The following VPS26A variants were observed in gnomAD, a reference collection of about 807,000 sequenced individuals.
VPS26A encodes the protein VPS26 retromer complex component A, also known as vacuolar protein sorting-associated protein 26A.
A neutral mutation model predicts 42.4 loss-of-function variants in VPS26A; 22 were observed. The observed-to-expected ratio is 0.52, with a 90% confidence interval of 0.37 to 0.74. The LOEUF is 0.74. Among genes scored for constraint, VPS26A ranks in the 30% least tolerant of loss-of-function variants. VPS26A has a pLI of 0.00. For missense variants in VPS26A, 276 were observed against 379.2 expected, an observed-to-expected ratio of 0.73 and a Z score of 2.26; for synonymous variants, 110 against 123.5, an observed-to-expected ratio of 0.89 and a Z score of 0.73.
intron 2 of VPS26A, among the ~76,000 whole-genome samples, chr10:69,142,608 G>C (rs1377315879): frequency 6.6e-6 from 1 of 152,036 alleles, no homozygotes; most frequent in African/African-American, 2.4e-5. Flanking sequence ...CAACGAGCTT[G>C]AGGCTTTTAA....
intron 5 of VPS26A, among the ~76,000 whole-genome samples, chr10:69,158,685 T>C (rs1053899324): frequency 1.3e-5 from 2 of 152,108 alleles, no homozygotes; most frequent in African/African-American, 4.8e-5. Flanking sequence ...AATTTTATTA[T>C]GGGAAATTTC....
intron 1 of VPS26A, among the ~76,000 whole-genome samples, chr10:69,126,173 A>G (rs1259436126): frequency 6.6e-6 from 1 of 152,164 alleles, no homozygotes; most frequent in Non-Finnish European, 1.5e-5. Context: ...TGCACTTAAA[A>G]GATCTCACGG....
In VPS26A at chr10:69,168,525, A is replaced by G; in HGVS notation, c.764A>G (p.Tyr255Cys). ...CCAATAAGGCTATTTTTAGCAGGAT[A>G]TGACCCAACTCCAACAATGAGAGAT... Reference protein sequence around the residue: ...SIPIRLFLAGYDPTPTMRDVN... With the variant: ...SIPIRLFLAGCDPTPTMRDVN... Residue 255 changes from tyrosine (Y) to cysteine (C), a missense_variant, in exon 8 of 9, where the codon TAT becomes TGT. Physicochemically the swap from Tyr to Cys is radical, Grantham distance 194 (BLOSUM62 -2). Transcript: ENST00000263559. 6.2e-7 allele frequency: 1 copy of G among 1,614,026 alleles called. No individual in the cohort carries two copies. Among genetic ancestry groups the G allele is most frequent in the East Asian group, 2.2e-5 (1 of 44,882 alleles).
chr10:69,166,317 T>C (rs907713702), intron 7 of VPS26A, among the ~76,000 whole-genome samples: 14 of 152,246 alleles, frequency 9.2e-5, no homozygotes, highest in African/African-American at 3.1e-4. Flanking sequence ...TCAGTTTCAA[T>C]TTAGGATTTA....
intron 1 of VPS26A, among the ~76,000 whole-genome samples, chr10:69,125,204 G>T (rs757032113): frequency 6.6e-6 from 1 of 152,188 alleles, no homozygotes; most frequent in South Asian, 2.1e-4. Context: ...TGGCTTAAAA[G>T]GCCGAGCCAG....
chr10:69,160,701 C>T (rs1841541450), intron 5 of VPS26A, among the ~76,000 whole-genome samples: 1 of 152,206 alleles, frequency 6.6e-6, no homozygotes, highest in African/African-American at 2.4e-5. Context: ...ATCTGCCCGC[C>T]TTGGTCTCCC....
At chr10:69,134,612 C>T (rs1840862856) in intron 2 of VPS26A, among the ~76,000 whole-genome samples, 1 of 151,542 alleles carries the variant, frequency 6.6e-6, no homozygotes, top group Admixed American at 6.6e-5. Flanking sequence ...TTTTAATTTG[C>T]ATTTCTTTGG....
chr10:69,133,640 A>G (rs1282186896), intron 2 of VPS26A: 1 of 1,272,582 alleles, frequency 7.9e-7, no homozygotes, highest in African/African-American at 1.5e-5. Flanking sequence ...TTTATCCGGT[A>G]ATGTATACGG....
rs1841877052 is a variant in VPS26A, at chr10:69,174,015, C to T, written c.*2746C>T. ...ACCAACCAGTGTTCTGTAGAATGGACCAATCAGCAGGACGTGGGCGGGGAC... is the reference window on the plus strand; with the variant it reads ...ACCAACCAGTGTTCTGTAGAATGGATCAATCAGCAGGACGTGGGCGGGGAC... On this transcript the variant is annotated 3_prime_UTR_variant, in exon 9 of 9. Transcript: ENST00000263559. Among the ~76,000 whole-genome samples, 1 of 152,168 alleles carries T rather than the reference C, an allele frequency of 6.6e-6. No individual in the cohort carries two copies. The highest frequency in any genetic ancestry group is 1.5e-5 in the Non-Finnish European group (1 of 68,036).
chr10:69,132,717 AC>A (rs1379524862), intron 1 of VPS26A, among the ~76,000 whole-genome samples, 180 bp from the exon 2 acceptor site: 1 of 152,168 alleles, frequency 6.6e-6, no homozygotes, highest in Non-Finnish European at 1.5e-5. Flanking sequence ...TGCTGGGTTT[AC>A]AGGCGTGAGA....
Position 69,174,234 on chromosome 10 carries a change from G to A in VPS26A, c.*2965G>A, listed in dbSNP as rs909287959. Among the ~76,000 whole-genome samples, 7 of 152,108 alleles carry A rather than the reference G, an allele frequency of 4.6e-5. No homozygotes were observed. Among genetic ancestry groups the A allele is most frequent in the East Asian group, 1.9e-4 (1 of 5,198 alleles). On this transcript the variant is annotated 3_prime_UTR_variant, in exon 9 of 9. Coordinates refer to ENST00000263559, the MANE Select transcript of VPS26A (RefSeq NM_004896.5). ...ACGGCTCCGTTAAGTCAGCGAGACC[G>A]CAAACCCACTGGAAGGAACCAACTC...
At chr10:69,151,282 A>AAAAAAAAAAAAAAAAAACACAC (rs71035063) in intron 2 of VPS26A, among the ~76,000 whole-genome samples, 2 of 136,776 alleles carry the variant, frequency 1.5e-5, no homozygotes, top group African/African-American at 6.6e-5. Context: ...AAAAAAAAAA[A>AAAAAAAAAAAAAAAAAACACAC]ACACACACAC....
At chr10:69,127,773 G>C (rs1179457890) in intron 1 of VPS26A, among the ~76,000 whole-genome samples, 8 of 114,656 alleles carry the variant, frequency 7.0e-5, no homozygotes, top group African/African-American at 2.8e-4. Context: ...TTGCTCTGCC[G>C]CCCAGTCAGT....
Position 69,171,286 on chromosome 10 carries a change from A to G in VPS26A, c.*17A>G, listed in dbSNP as rs1432877378. The G allele has an allele frequency of 6.3e-7, 1 of 1,597,118 alleles. No individual in the cohort carries two copies. The highest frequency in any genetic ancestry group is 1.2e-5 in the South Asian group (1 of 86,702). On this transcript the variant is annotated 3_prime_UTR_variant, in exon 9 of 9. Coordinates refer to ENST00000263559, the MANE Select transcript of VPS26A (RefSeq NM_004896.5). ...GAAATGTGAACTGAACAGGAGAAAA[A>G]AAGAAAAGCAAAAAACTCCTGTAAC...
chr10:69,149,779 G>A (rs1220227218), intron 2 of VPS26A, among the ~76,000 whole-genome samples: 6 of 120,390 alleles, frequency 5.0e-5, no homozygotes, highest in Non-Finnish European at 7.9e-5. Flanking sequence ...TGGAGTCTTC[G>A]TCTGTCACCC....
intron 1 of VPS26A, among the ~76,000 whole-genome samples, chr10:69,127,324 C>T (rs916281535): frequency 6.6e-6 from 1 of 150,456 alleles, no homozygotes; most frequent in African/African-American, 2.4e-5. Context: ...GAGGCCGAGG[C>T]GGGCGGATCA....
intron 5 of VPS26A, among the ~76,000 whole-genome samples, chr10:69,159,772 C>T (rs977286723): frequency 6.6e-6 from 1 of 152,090 alleles, no homozygotes. Context: ...TTCACATTTC[C>T]CTAATTGGCT....
chr10:69,168,387 G>C, intron 7 of VPS26A, 102 bp from the exon 8 acceptor site: 1 of 1,231,992 alleles, frequency 8.1e-7, no homozygotes. Context: ...CATCTCATGA[G>C]GATGTGAAGC....
chr10:69,163,867 G>A (rs1001039071), intron 6 of VPS26A, among the ~76,000 whole-genome samples: 1 of 149,400 alleles, frequency 6.7e-6, no homozygotes, highest in African/African-American at 2.5e-5. Flanking sequence ...CAGGGTTCAC[G>A]CCATTCTCCT....
Sources: gnomAD v4.1 joint callset for allele counts (sites outside exome capture counted in the v4.1 genomes callset) on GRCh38, gnomAD v4.1.1 for gene constraint, MANE v1.5 for transcripts, NCBI Gene and HGNC (gene_info 2026-07-23, HGNC 2026-07-21) for gene names.